The following FREM2 variants were observed in gnomAD, a reference collection of about 807,000 sequenced individuals.
FREM2 encodes the protein FRAS1-related extracellular matrix protein 2.
A neutral mutation model predicts 219.9 loss-of-function variants in FREM2; 119 were observed. The ratio of observed to expected loss-of-function variants is 0.54; its 90% confidence interval spans 0.47 to 0.63. FREM2 has a LOEUF of 0.63. Among genes scored for constraint, FREM2 ranks in the 30% least tolerant of loss-of-function variants. The pLI is 0.00. For missense variants in FREM2, 4,030 were observed against 3,993.6 expected (o/e 1.01, Z -0.25); for synonymous variants, 1,562 against 1,522.8 (o/e 1.03, Z -0.60).
intron 2 of FREM2, among the ~76,000 whole-genome samples, chr13:38,759,548 A>G (rs1004138627): frequency 2.0e-5 from 3 of 152,144 alleles, no homozygotes; most frequent in East Asian, 1.9e-4. Context: ...TCAAAACCTT[A>G]ATGGCTTTGG....
At chr13:38,704,225 C>T (rs549092476) in intron 2 of FREM2, among the ~76,000 whole-genome samples, 23 of 152,224 alleles carry the variant, frequency 1.5e-4, no homozygotes, top group South Asian at 1.2e-3. Flanking sequence ...TTTGGAGCAC[C>T]CACTCACCAT....
chr13:38,750,780 G>A (rs955572593), intron 2 of FREM2, among the ~76,000 whole-genome samples: 3 of 151,758 alleles, frequency 2.0e-5, no homozygotes, highest in African/African-American at 4.8e-5. Context: ...TACAACCTCT[G>A]CCTCTGGGGT....
chr13:38,830,390 A>G (rs2137887723), intron 6 of FREM2, among the ~76,000 whole-genome samples: 1 of 152,252 alleles, frequency 6.6e-6, no homozygotes, highest in South Asian at 2.1e-4. Flanking sequence ...TGACTTCTCA[A>G]TCTTCCCACC....
chr13:38,851,953 A>G (rs927897978), intron 11 of FREM2, 85 bp downstream of exon 11: 121 of 1,262,184 alleles, frequency 9.6e-5, no homozygotes, highest in Admixed American at 5.1e-4. Context: ...AAGAAGGGAA[A>G]CATCCAATTG....
chr13:38,820,293 T>C (rs182705967), intron 6 of FREM2, among the ~76,000 whole-genome samples: 3 of 152,122 alleles, frequency 2.0e-5, no homozygotes, highest in Non-Finnish European at 4.4e-5. Context: ...TGAGTTTGTT[T>C]TGTCTTTTTC....
rs112373568 is a variant in FREM2, at chr13:38,874,756, C to T, written c.8281+170C>T. Among the ~76,000 whole-genome samples, 897 of 152,288 alleles carry T rather than the reference C, an allele frequency of 5.9e-3. 6 individuals are homozygous for T. Among genetic ancestry groups the T allele is most frequent in the African/African-American group, 0.021 (852 of 41,556 alleles). ...GCTTGATAATTGTTCAGCTTCACCT[C>T]ATAATCCACAAAATTATCATTATGC... On this transcript the variant is annotated intron_variant, in intron 18 of 23. Coordinates refer to ENST00000280481, the MANE Select transcript of FREM2 (RefSeq NM_207361.6).
At chr13:38,725,313 TA>T (rs1379322207) in intron 2 of FREM2, among the ~76,000 whole-genome samples, 3 of 152,184 alleles carry the variant, frequency 2.0e-5, no homozygotes, top group East Asian at 3.9e-4. Context: ...AAACAAGTAG[TA>T]GACAAGTAAA....
intron 2 of FREM2, among the ~76,000 whole-genome samples, chr13:38,717,929 A>T (rs1435751764): frequency 6.6e-6 from 1 of 152,216 alleles, no homozygotes; most frequent in East Asian, 1.9e-4. Flanking sequence ...TTCACCAGTG[A>T]AGTTTATTTC....
At chr13:38,794,327 C>G (rs895139211) in intron 6 of FREM2, among the ~76,000 whole-genome samples, 2 of 152,102 alleles carry the variant, frequency 1.3e-5, no homozygotes, top group Non-Finnish European at 2.9e-5. Context: ...AATCTAAGAA[C>G]CAAACACATC....
chr13:38,691,655 C>A lies in FREM2; in HGVS notation c.4311C>A (p.Val1437=), dbSNP rs747937475. Reference sequence around the variant, plus strand: ...TGTCCTTGAAAGAAGGTGGCAAAGTCACTCTTACAACAGACCTACTAAGCA... The same window carrying A: ...TGTCCTTGAAAGAAGGTGGCAAAGTAACTCTTACAACAGACCTACTAAGCA... ...KGVSLKEGGK[V]TLTTDLLSTS... The change falls in exon 1 of 24, where the codon GTC becomes GTA. Residue 1437 remains valine, a synonymous_variant. Coordinates refer to ENST00000280481, the MANE Select transcript of FREM2 (RefSeq NM_207361.6). The A allele has an allele frequency of 6.2e-7, 1 of 1,614,114 alleles. No individual in the cohort carries two copies. Among genetic ancestry groups the A allele is most frequent in the Non-Finnish European group, 8.5e-7 (1 of 1,180,026 alleles).
At chr13:38,774,836 C>T (rs1185014266) in intron 4 of FREM2, among the ~76,000 whole-genome samples, 2 of 151,934 alleles carry the variant, frequency 1.3e-5, no homozygotes, top group African/African-American at 4.8e-5. Context: ...AGTACAGGTA[C>T]CTAAAGCCTG....
At chr13:38,729,770 C>T (rs1479518359) in intron 2 of FREM2, among the ~76,000 whole-genome samples, 1 of 152,098 alleles carries the variant, frequency 6.6e-6, no homozygotes, top group Non-Finnish European at 1.5e-5. Context: ...GTAAATATGT[C>T]CTTTTCTAAG....
intron 8 of FREM2, 63 bp from the exon 9 acceptor site, chr13:38,849,975 A>T (rs1296456017): frequency 7.6e-7 from 1 of 1,315,892 alleles, no homozygotes; most frequent in African/African-American, 1.4e-5. Flanking sequence ...ACTAAATCAC[A>T]TCTTCTGAAA....
At chr13:38,738,565 CAAAAAAAAAAAA>C (rs71074478) in intron 2 of FREM2, among the ~76,000 whole-genome samples, 11 of 48,466 alleles carry the variant, frequency 2.3e-4, no homozygotes, top group African/African-American at 6.6e-4. Flanking sequence ...GACTCCATCT[CAAAAAAAAAAAA>C]AAAAAAAAAA....
intron 22 of FREM2, 42 bp from the exon 23 acceptor site, chr13:38,878,789 G>A: frequency 6.3e-7 from 1 of 1,596,988 alleles, no homozygotes; most frequent in Non-Finnish European, 8.6e-7. Context: ...CAAAAGCCGT[G>A]GCATTATCTA....
In FREM2 at chr13:38,769,249, T is replaced by C. The variant is rs4941897; in HGVS notation, c.5411-329T>C. On this transcript the variant is annotated intron_variant, in intron 3 of 23. Coordinates refer to ENST00000280481, the MANE Select transcript of FREM2 (RefSeq NM_207361.6). Reference sequence around the variant, plus strand: ...AAAGTAAATGTGAAGAGTTTTAAGATTGTATAACTTGTAGGAGTAAGGATA... The same window carrying C: ...AAAGTAAATGTGAAGAGTTTTAAGACTGTATAACTTGTAGGAGTAAGGATA... Among the ~76,000 whole-genome samples the C allele has an allele frequency of 0.29, 43,664 of 152,110 alleles. 6,660 individuals are homozygous for C. The highest frequency in any genetic ancestry group is 0.44 in the Middle Eastern group (129 of 294).
intron 6 of FREM2, among the ~76,000 whole-genome samples, chr13:38,808,553 C>T (rs1875344400): frequency 6.6e-6 from 1 of 151,804 alleles, no homozygotes; most frequent in African/African-American, 2.4e-5. Flanking sequence ...GGCCTGATTT[C>T]AGTATTCTTG....
chr13:38,744,210 T>G (rs1170183480), intron 2 of FREM2, among the ~76,000 whole-genome samples: 1 of 141,386 alleles, frequency 7.1e-6, no homozygotes, highest in African/African-American at 2.6e-5. Context: ...ATCCTTTTTT[T>G]TTTTTTTTTT....
In FREM2 at chr13:38,851,690, T is replaced by C; in HGVS notation, c.6747T>C (p.Thr2249=). 6.2e-7 allele frequency: 1 copy of C among 1,603,348 alleles called. No individual in the cohort carries two copies. The highest frequency in any genetic ancestry group is 8.5e-7 in the Non-Finnish European group (1 of 1,170,538). The change falls in exon 11 of 24, where the codon ACT becomes ACC. Residue 2249 remains threonine, a synonymous_variant. Coordinates refer to ENST00000280481, the MANE Select transcript of FREM2 (RefSeq NM_207361.6). The stretch of plus-strand genomic sequence containing the variant: ...CTTTGTTTCCCACAATTTTAGAGAC[T>C]GTTATTAAATTTGGAGAAACCAAAT... ...LIRIRDDADK[T]VIKFGETKFS... is the part of the protein sequence containing the mutation.
Sources: gnomAD v4.1 joint callset for allele counts (sites outside exome capture counted in the v4.1 genomes callset) on GRCh38, gnomAD v4.1.1 for gene constraint, MANE v1.5 for transcripts, NCBI Gene and HGNC (gene_info 2026-07-23, HGNC 2026-07-21) for gene names.